The following ZBTB43 variants were observed in gnomAD, a reference collection of about 807,000 sequenced individuals.
The protein encoded by ZBTB43 is zinc finger and BTB domain-containing protein 43.
In ZBTB43, 6 loss-of-function variants were observed where a neutral mutation model predicts 31.1. The ratio of observed to expected loss-of-function variants is 0.19; its 90% CI spans 0.11 to 0.38. The LOEUF (loss-of-function observed/expected upper bound fraction) is 0.38, where lower values mean the gene tolerates loss of function less well. Ranked by LOEUF, ZBTB43 falls within the 10% of genes least tolerant of loss-of-function variation. The pLI, the probability that ZBTB43 is intolerant of heterozygous loss-of-function variation, is 1.00. For missense variants in ZBTB43, 379 were observed against 602.1 expected (o/e 0.63, Z 3.88); for synonymous variants, 212 against 221.7 (o/e 0.96, Z 0.39).
upstream of ZBTB43, among the ~76,000 whole-genome samples, chr9:126,804,456 G>T (rs941070900): frequency 7.2e-5 from 11 of 151,900 alleles, no homozygotes; most frequent in Non-Finnish European, 1.3e-4. Flanking sequence ...GAGAAGAGAC[G>T]GAGAAGGTCA....
chr9:126,810,533 G>T (rs868436001), intron 2 of ZBTB43, among the ~76,000 whole-genome samples: 1 of 116,840 alleles, frequency 8.6e-6, no homozygotes, highest in Non-Finnish European at 1.6e-5. Context: ...ATGGGGTCTC[G>T]CTCTGTCACA....
intron 1 of ZBTB43, among the ~76,000 whole-genome samples, chr9:126,807,095 G>T (rs989424846): frequency 6.6e-6 from 1 of 152,016 alleles, no homozygotes; most frequent in Admixed American, 6.6e-5. Context: ...CTGTCTATTT[G>T]CCTTTAAGGT....
At chr9:126,828,620 C>A in intron 2 of ZBTB43, among the ~76,000 whole-genome samples, 1 of 140,698 alleles carries the variant, frequency 7.1e-6, no homozygotes, top group African/African-American at 2.8e-5. Flanking sequence ...CAGTGAGACC[C>A]CCATCTCTAA....
At chr9:126,805,553 A>C (rs873837) in intron 1 of ZBTB43, among the ~76,000 whole-genome samples, 21,890 of 152,260 alleles carry the variant, frequency 0.14, 4,097 homozygotes, top group African/African-American at 0.41. Context: ...GCCTGGACTT[A>C]GCTGATCTTC....
intron 2 of ZBTB43, among the ~76,000 whole-genome samples, chr9:126,822,928 T>A (rs12375926): frequency 0.44 from 15,163 of 34,176 alleles, 2,320 homozygotes; most frequent in African/African-American, 0.57. Context: ...AGGTGAGTAC[T>A]TTTTTTTTTT....
At chr9:126,821,086 G>A (rs760891601) in intron 2 of ZBTB43, among the ~76,000 whole-genome samples, 11 of 151,986 alleles carry the variant, frequency 7.2e-5, no homozygotes, top group Non-Finnish European at 1.5e-4. Context: ...AAATGTTTTG[G>A]TGGCAGTGTG....
chr9:126,811,025 C>T (rs2032236482), intron 2 of ZBTB43, among the ~76,000 whole-genome samples: 1 of 151,442 alleles, frequency 6.6e-6, no homozygotes, highest in African/African-American at 2.4e-5. Context: ...AGTTCGAGAC[C>T]AACCTGGCCA....
At chr9:126,820,558 G>T (rs1241691567) in intron 2 of ZBTB43, among the ~76,000 whole-genome samples, 1 of 152,202 alleles carries the variant, frequency 6.6e-6, no homozygotes, top group Non-Finnish European at 1.5e-5. Flanking sequence ...TCACCCAAGA[G>T]CTCTGATGGA....
intron 2 of ZBTB43, among the ~76,000 whole-genome samples, chr9:126,809,842 C>CTTTTTTTTTTT (rs565506794): frequency 1.4e-5 from 2 of 147,208 alleles, no homozygotes; most frequent in African/African-American, 5.0e-5. Flanking sequence ...CTGCTGGTAT[C>CTTTTTTTTTTT]TTTTTTTTTT....
At chr9:126,806,455 A>G (rs986419710) in intron 1 of ZBTB43, among the ~76,000 whole-genome samples, 2 of 152,230 alleles carry the variant, frequency 1.3e-5, no homozygotes, top group Non-Finnish European at 2.9e-5. Flanking sequence ...TAAGAGACGG[A>G]AAGTAGAATA....
At position 126,815,659 on chromosome 9, in the gene ZBTB43, T is replaced by C. The variant is rs971086171; in HGVS notation, c.-24+6744T>C. On this transcript the variant is annotated intron_variant, in intron 2 of 2. Transcript: ENST00000373464. ...TTATTTGGGTCTCTCTCTCTCTCTC[T>C]TTTTTTTTTTTTCAATAGTTTCCCT... Among the ~76,000 whole-genome samples, 64 of 26,494 alleles carry C rather than the reference T, an allele frequency of 2.4e-3. No individual in the cohort carries two copies. In the South Asian group the frequency reaches 0.031, roughly 13 times the overall value. 17.4% of individuals were successfully genotyped at this position (26,494 alleles called of 152,430 possible). A position where few individuals can be genotyped will look rare whatever the true frequency, so the allele number is the denominator to read the frequency against.
intron 1 of ZBTB43, among the ~76,000 whole-genome samples, chr9:126,807,360 C>T (rs1200343225): frequency 6.6e-6 from 1 of 152,152 alleles, no homozygotes; most frequent in Non-Finnish European, 1.5e-5. Context: ...TTAAAGTGTT[C>T]GTTAAACTTA....
intron 2 of ZBTB43, among the ~76,000 whole-genome samples, chr9:126,823,988 C>T (rs2032572414): frequency 6.6e-6 from 1 of 151,864 alleles, no homozygotes; most frequent in Non-Finnish European, 1.5e-5. Flanking sequence ...CCTTTTAAAT[C>T]ATATAGAAAC....
intron 2 of ZBTB43, chr9:126,831,389 A>G (rs536674393): frequency 5.3e-5 from 8 of 152,364 alleles, no homozygotes; most frequent in Admixed American, 1.3e-4. Flanking sequence ...CCATAGACCC[A>G]GCTACACAAG....
In ZBTB43 at chr9:126,832,827, G is replaced by A. The variant is rs149469276; in HGVS notation, c.318G>A (p.Ala106=). 3.5e-5 allele frequency: 57 copies of A among 1,614,058 alleles called. No individual in the cohort carries two copies. The African/African-American group carries it at 5.7e-4, about 16-fold the overall frequency. ...CAGAAATTGTTAGTTACTTGACAGC[G>A]GCAAGCTTCCTCCAGATGTGGCATG... ...PAPEIVSYLT[A]ASFLQMWHVV... Residue 106 remains alanine (A), a synonymous_variant, in exon 3 of 3, where the codon GCG becomes GCA. Transcript: ENST00000373464.
At chr9:126,807,569 A>G (rs2032153953) in intron 1 of ZBTB43, among the ~76,000 whole-genome samples, 1 of 152,194 alleles carries the variant, frequency 6.6e-6, no homozygotes, top group South Asian at 2.1e-4. Flanking sequence ...ATGTGAAAAA[A>G]TGCATGTCTG....
At chr9:126,817,991 C>A (rs564208874) in intron 2 of ZBTB43, among the ~76,000 whole-genome samples, 42 of 152,064 alleles carry the variant, frequency 2.8e-4, no homozygotes, top group Non-Finnish European at 4.9e-4. Flanking sequence ...TGGTTTGAAT[C>A]TGTGTATTGC....
intron 2 of ZBTB43, 102 bp from the exon 3 acceptor site, chr9:126,832,385 A>G: frequency 8.8e-7 from 1 of 1,131,734 alleles, no homozygotes; most frequent in Non-Finnish European, 1.2e-6. Flanking sequence ...CATAGGCTAG[A>G]GGACTTTGTG....
intron 2 of ZBTB43, among the ~76,000 whole-genome samples, chr9:126,820,987 A>AT (rs2032496883): frequency 6.7e-6 from 1 of 149,894 alleles, no homozygotes; most frequent in Non-Finnish European, 1.5e-5. Flanking sequence ...AAAAAAAAAA[A>AT]GGATATTTTG....
Sources: allele counts gnomAD v4.1 joint callset (sites outside exome capture counted in the v4.1 genomes callset), GRCh38; gene constraint gnomAD v4.1.1; transcripts MANE v1.5; gene names NCBI Gene and HGNC (gene_info 2026-07-23, HGNC 2026-07-21).